Variants in FAM185A observed in about 807,000 individuals in gnomAD.
FAM185A encodes protein FAM185A.
A neutral mutation model predicts 45.7 loss-of-function variants in FAM185A; 21 were observed. That is an observed-to-expected ratio of 0.46 (90% CI 0.33 to 0.66). The LOEUF (loss-of-function observed/expected upper bound fraction) is 0.66. Ranked by LOEUF, FAM185A falls within the 30% of genes least tolerant of loss-of-function variation. FAM185A has a pLI of 0.03. For synonymous variants in FAM185A, 117 were observed against 194.0 expected (o/e 0.60, Z 3.30); for missense variants, 305 against 485.4 (o/e 0.63, Z 3.49).
At chr7:102,778,734 C>T (rs1442938789) in intron 6 of FAM185A, among the ~76,000 whole-genome samples, 1 of 152,118 alleles carries the variant, frequency 6.6e-6, no homozygotes, top group African/African-American at 2.4e-5. Context: ...CTGGCAAAAG[C>T]TTAAAGACAA....
At chr7:102,806,488 C>T (rs937576479) in intron 7 of FAM185A, among the ~76,000 whole-genome samples, 1 of 152,144 alleles carries the variant, frequency 6.6e-6, no homozygotes, top group African/African-American at 2.4e-5. Context: ...CCTGCCTGCT[C>T]ATTTGCTTTT....
chr7:102,814,503 T>G, the FAM185A span: 1 of 152,250 alleles, frequency 6.6e-6, no homozygotes, highest in African/African-American at 2.4e-5. Flanking sequence ...AAATGCTATT[T>G]CAGTTAAATC....
intron 7 of FAM185A, among the ~76,000 whole-genome samples, chr7:102,788,927 G>A (rs1296094100): frequency 3.1e-4 from 47 of 152,084 alleles, no homozygotes; most frequent in Admixed American, 3.0e-3. Flanking sequence ...AACATGGTAC[G>A]CCTGTATAGG....
the FAM185A span, among the ~76,000 whole-genome samples, chr7:102,831,127 C>T: frequency 6.6e-6 from 1 of 152,140 alleles, no homozygotes; most frequent in Non-Finnish European, 1.5e-5. Context: ...ACCAATCTCC[C>T]ACCTGGAGAA....
At chr7:102,797,523 T>C (rs1217642001) in intron 7 of FAM185A, among the ~76,000 whole-genome samples, 1 of 152,170 alleles carries the variant, frequency 6.6e-6, no homozygotes, top group Admixed American at 6.5e-5. Flanking sequence ...TATTTTGTTA[T>C]GGAATTGTAT....
At chr7:102,761,650 T>G (rs1241633913) in intron 4 of FAM185A, among the ~76,000 whole-genome samples, 1 of 152,046 alleles carries the variant, frequency 6.6e-6, no homozygotes, top group Non-Finnish European at 1.5e-5. Context: ...GTAAGTCTAA[T>G]TTTTAATGCA....
rs973812582 is a variant in FAM185A at position 102,751,799 on chromosome 7, A to G, written c.559A>G (p.Lys187Glu). 2.0e-6 allele frequency: 3 copies of G among 1,522,824 alleles called. No individual in the cohort carries two copies. The highest frequency in any genetic ancestry group is 4.4e-5 in the Admixed American group (2 of 45,110). The allele number at this position is 1,522,824 out of a possible 1,614,324, so 94.3% of individuals were successfully genotyped here. A position where few individuals can be genotyped will look rare whatever the true frequency, so the allele number is the denominator to read the frequency against. The change falls in exon 2 of 8, where the codon AAG becomes GAG. Residue 187 changes from lysine to glutamate, a missense_variant and splice_region_variant. This residue lies in a region of FAM185A where 174 missense variants were observed against 247.1 expected (regional missense o/e 0.70). Coordinates refer to ENST00000413034, the MANE Select transcript of FAM185A (RefSeq NM_001145268.2). The stretch of plus-strand genomic sequence containing the variant: ...TGGGACTAGTATCTTGCAGTCTGTT[A>G]AGGTATAGCATTTTTCTAATTTTAT... ...EHGTSILQSVKGQKLHVQTKG... is the reference protein window; with the variant it reads ...EHGTSILQSVEGQKLHVQTKG...
the FAM185A span, among the ~76,000 whole-genome samples, chr7:102,840,590 A>G: frequency 6.6e-6 from 1 of 152,250 alleles, no homozygotes; most frequent in Admixed American, 6.5e-5. Context: ...GGACAGTCAC[A>G]GCATCCTATG....
At chr7:102,826,741 A>ATATATG in the FAM185A span, among the ~76,000 whole-genome samples, 1 of 64,042 alleles carries the variant, frequency 1.6e-5, no homozygotes, top group Admixed American at 1.7e-4. Context: ...ATATATATAT[A>ATATATG]TATATATATA....
chr7:102,753,340 T>C (rs1793491476), intron 2 of FAM185A, among the ~76,000 whole-genome samples: 1 of 151,594 alleles, frequency 6.6e-6, no homozygotes, highest in South Asian at 2.1e-4. Context: ...TCTGCATTTA[T>C]GTTTTGATTA....
the FAM185A span, among the ~76,000 whole-genome samples, chr7:102,826,326 T>C: frequency 6.6e-6 from 1 of 152,200 alleles, no homozygotes; most frequent in Non-Finnish European, 1.5e-5. Context: ...AATGAAAATC[T>C]AATGCAGTAA....
intron 5 of FAM185A, among the ~76,000 whole-genome samples, chr7:102,774,856 C>T (rs1022907476): frequency 1.1e-4 from 17 of 152,344 alleles, no homozygotes; most frequent in Non-Finnish European, 2.1e-4. Flanking sequence ...CTGCCTCAGC[C>T]TCCTAAAGTG....
chr7:102,813,434 CAG>C (rs1562888591), downstream of FAM185A: 1 of 1,614,172 alleles, frequency 6.2e-7, no homozygotes, highest in East Asian at 2.2e-5. Context: ...AGCTCTGTAA[CAG>C]GGTTTCCTTC....
intron 6 of FAM185A, among the ~76,000 whole-genome samples, chr7:102,785,075 T>C (rs984210060): frequency 6.6e-6 from 1 of 152,140 alleles, no homozygotes; most frequent in Non-Finnish European, 1.5e-5. Flanking sequence ...AACTCCCATT[T>C]ACAATTGCTT....
At chr7:102,766,789 T>G (rs11978888) in intron 4 of FAM185A, among the ~76,000 whole-genome samples, 12,914 of 151,632 alleles carry the variant, frequency 0.085, 620 homozygotes, top group East Asian at 0.2. Flanking sequence ...TTTTTGTTTT[T>G]TTTGTTTTGT....
At chr7:102,844,725 T>A in the FAM185A span, among the ~76,000 whole-genome samples, 1 of 152,208 alleles carries the variant, frequency 6.6e-6, no homozygotes, top group Non-Finnish European at 1.5e-5. Context: ...TGACATTAAC[T>A]GGAGTTAGCA....
chr7:102,795,525 G>A (rs1029553897), intron 7 of FAM185A, among the ~76,000 whole-genome samples: 2 of 152,160 alleles, frequency 1.3e-5, no homozygotes, highest in African/African-American at 4.8e-5. Flanking sequence ...ACTGCCTTGA[G>A]AGAGTCTCCA....
At chr7:102,842,201 G>A in the FAM185A span, among the ~76,000 whole-genome samples, 33 of 152,304 alleles carry the variant, frequency 2.2e-4, no homozygotes, top group Non-Finnish European at 3.8e-4. Context: ...AAAGGCCAAT[G>A]ATTAAAGTCA....
In FAM185A at chr7:102,781,620, A is replaced by G. The variant is rs148621330; in HGVS notation, c.931+4272A>G. ...GTCCTGACTGTTAGAAGGAAAACTAACAAACAGAAAGGACATCCACACAAA... is the reference window on the plus strand; with the variant it reads ...GTCCTGACTGTTAGAAGGAAAACTAGCAAACAGAAAGGACATCCACACAAA... On this transcript the variant is annotated intron_variant, in intron 6 of 7. Transcript: ENST00000413034. 2.8e-3 allele frequency among the ~76,000 whole-genome samples: 427 copies of G among 152,342 alleles called. 2 individuals carry two copies. The highest frequency in any genetic ancestry group is 2.4e-3 in the Non-Finnish European group (162 of 68,036).
Sources: allele counts gnomAD v4.1 joint callset (sites outside exome capture counted in the v4.1 genomes callset), GRCh38; gene constraint gnomAD v4.1.1; regional missense constraint gnomAD v4.1.1; transcripts MANE v1.5; gene names NCBI Gene and HGNC (gene_info 2026-07-23, HGNC 2026-07-21).